Variants in SF3B1 observed in about 807,000 individuals in gnomAD.
SF3B1 encodes splicing factor 3b subunit 1, also known as pre-mRNA processing 10.
SF3B1 carries 12 observed loss-of-function variants against 153.8 expected under a neutral mutation model. The observed-to-expected ratio is 0.08, with a 90% CI of 0.05 to 0.13. The LOEUF is 0.13. Ranked by LOEUF, SF3B1 falls within the 10% of genes least tolerant of loss-of-function variation. SF3B1 has a pLI of 1.00. For missense variants in SF3B1, 513 were observed against 1,606.1 expected (o/e 0.32, Z 11.63); for synonymous variants, 498 against 525.2 (o/e 0.95, Z 0.71).
intron 9 of SF3B1, 34 bp downstream of exon 9, chr2:197,407,964 C>T (rs2105993733): frequency 6.3e-7 from 1 of 1,589,998 alleles, no homozygotes; most frequent in Non-Finnish European, 8.6e-7. Flanking sequence ...AATGTATATC[C>T]TAAATACCAC....
rs1559262155 is a variant in SF3B1 at position 197,392,573 on chromosome 2, G to GGGGC, written c.3757-113_3757-112insGCCC. Reference sequence around the variant, plus strand: ...AAAATTATTTCCCTTGGGGAGTTGGGGGGGGGGGAACCTACTAATTACACT... The same window carrying GGGGC: ...AAAATTATTTCCCTTGGGGAGTTGGGGGGCGGGGGGGGAACCTACTAATTACACT... On this transcript the variant is annotated intron_variant, in intron 24 of 24. Coordinates refer to ENST00000335508, the MANE Select transcript of SF3B1 (RefSeq NM_012433.4). 8 of 355,946 alleles carry GGGGC rather than the reference G, an allele frequency of 2.2e-5. 1 individual carries two copies. The highest frequency in any genetic ancestry group is 6.6e-5 in the East Asian group (1 of 15,148). The allele number at this position is 355,946 out of a possible 1,614,324, so 22.0% of individuals were successfully genotyped here. A position where few individuals can be genotyped will look rare whatever the true frequency, so the allele number is the denominator to read the frequency against.
Position 197,396,335 on chromosome 2 carries a change from A to AAAAC in SF3B1, c.3267-11_3267-8dup, listed in dbSNP as rs1449563349. 1 of 1,603,846 alleles carries AAAAC rather than the reference A, an allele frequency of 6.2e-7. No homozygotes were observed. Among genetic ancestry groups the AAAAC allele is most frequent in the South Asian group, 1.1e-5 (1 of 90,204 alleles). On this transcript the variant is annotated splice_polypyrimidine_tract_variant and splice_region_variant and intron_variant, in intron 22 of 24. Transcript: ENST00000335508. ...AGCCAATACATCATGAGGGCTGAAA[A>AAAAC]AAACAAATGGGTCAACAAGCTGTTA... is the stretch of plus-strand genomic sequence containing the variant.
rs2085041620 is a variant in SF3B1 at position 197,409,757 on chromosome 2, C to G, written c.904+13G>C. 6.3e-7 allele frequency: 1 copy of G among 1,588,480 alleles called. No homozygotes were observed. The highest frequency in any genetic ancestry group is 8.6e-7 in the Non-Finnish European group (1 of 1,156,784). On this transcript the variant is annotated intron_variant, in intron 7 of 24. Transcript: ENST00000335508. The stretch of plus-strand genomic sequence containing the variant: ...AACATTTCACCCACACACCCATACT[C>G]CACTAGAAGTACCTCTCTCTGTTTT...
chr2:197,398,186 C>A, intron 21 of SF3B1, 70 bp from the exon 22 acceptor site: 1 of 1,279,844 alleles, frequency 7.8e-7, no homozygotes, highest in South Asian at 1.3e-5. Context: ...TTTGCAAATT[C>A]AGTTCTAAAA....
chr2:197,416,902 T>C lies in SF3B1; in HGVS notation c.505A>G (p.Arg169Gly). ...TTAGCTTTTTCTGCTAGCTGTTGCCTAATTTCTCGCTGAAAAAAACAGTGA... is the reference window on the plus strand; with the variant it reads ...TTAGCTTTTTCTGCTAGCTGTTGCCCAATTTCTCGCTGAAAAAAACAGTGA... ...QHLTKEEREI[R>G]QQLAEKAKAG... Residue 169 changes from arginine to glycine, a missense_variant, in exon 6 of 25, where the codon AGG becomes GGG. Transcript: ENST00000335508. The C allele has an allele frequency of 6.2e-7, 1 of 1,610,976 alleles. No homozygotes were observed. The highest frequency in any genetic ancestry group is 2.2e-5 in the East Asian group (1 of 44,842).
chr2:197,428,757 G>T (rs1356013423), intron 1 of SF3B1, among the ~76,000 whole-genome samples: 1 of 152,004 alleles, frequency 6.6e-6, no homozygotes, highest in Non-Finnish European at 1.5e-5. Context: ...AGCCAGACAT[G>T]GTGGTGGCAC....
chr2:197,416,718 A>G (rs1467691791), intron 6 of SF3B1, 23 bp downstream of exon 6: 1 of 1,594,302 alleles, frequency 6.3e-7, no homozygotes, highest in Admixed American at 1.8e-5. Flanking sequence ...TAACAGTAAT[A>G]ACAAAAAACA....
chr2:197,405,051 G>C (rs1193480993), intron 11 of SF3B1, 25 bp downstream of exon 11: 5 of 1,438,926 alleles, frequency 3.5e-6, no homozygotes, highest in Non-Finnish European at 4.8e-6. Context: ...CAACAAACAT[G>C]ACAATTTAAC....
intron 6 of SF3B1, among the ~76,000 whole-genome samples, chr2:197,412,318 A>T (rs1017816010): frequency 4.0e-5 from 6 of 150,956 alleles, no homozygotes; most frequent in Non-Finnish European, 7.4e-5. Flanking sequence ...CAGAATTTTT[A>T]AAAAAGTCTG....
At chr2:197,406,303 C>A (rs2105991743) in intron 9 of SF3B1, among the ~76,000 whole-genome samples, 1 of 151,784 alleles carries the variant, frequency 6.6e-6, no homozygotes, top group South Asian at 2.1e-4. Flanking sequence ...GTCAATAAAC[C>A]TATACACGTC....
Position 197,401,738 on chromosome 2 carries a change from T to C in SF3B1, c.2370+4A>G. 1 of 1,606,584 alleles carries C rather than the reference T, an allele frequency of 6.2e-7. No homozygotes were observed. Among genetic ancestry groups the C allele is most frequent in the Non-Finnish European group, 8.5e-7 (1 of 1,177,768 alleles). On this transcript the variant is annotated splice_donor_region_variant and intron_variant, in intron 16 of 24. Coordinates refer to ENST00000335508, the MANE Select transcript of SF3B1 (RefSeq NM_012433.4). The surrounding 1 kb of genome is among the most constrained non-coding windows in gnomAD (Gnocchi z 4.2). ...GTTTACATTAACAAATCTGGAATAA[T>C]TACCTTCAGCACAATTTTTTTCATT...
In SF3B1 at chr2:197,393,197, G is replaced by T; in HGVS notation, c.3540-9C>A. On this transcript the variant is annotated splice_polypyrimidine_tract_variant and intron_variant, in intron 23 of 24. Transcript: ENST00000335508. ...GTCTGTGTACAAGGTCTCTACAACGGAAGGGAAAAAAGTCCTTTAAGATGC... is the reference window on the plus strand; with the variant it reads ...GTCTGTGTACAAGGTCTCTACAACGTAAGGGAAAAAAGTCCTTTAAGATGC... The T allele has an allele frequency of 6.2e-7, 1 of 1,603,000 alleles. No homozygotes were observed. Among genetic ancestry groups the T allele is most frequent in the Non-Finnish European group, 8.5e-7 (1 of 1,170,440 alleles).
rs2105985601 is a variant in SF3B1, at chr2:197,402,136, A to G, written c.2078-6T>C. The G allele has an allele frequency of 1.3e-6, 2 of 1,595,824 alleles. No individual in the cohort carries two copies. ...CTGCTGCTCATCCACAAGACCTACA[A>G]AACCAAACACAGGTTTTAACTATGC... On this transcript the variant is annotated splice_polypyrimidine_tract_variant and splice_region_variant and intron_variant, in intron 14 of 24. Coordinates refer to ENST00000335508, the MANE Select transcript of SF3B1 (RefSeq NM_012433.4). This position sits in a 1 kb window ranked among gnomAD's most constrained non-coding sequence, Gnocchi z 4.6.
chr2:197,416,934 A>G (rs767205750), intron 5 of SF3B1, 23 bp from the exon 6 acceptor site: 2 of 1,596,778 alleles, frequency 1.3e-6, no homozygotes, highest in South Asian at 2.2e-5. Context: ...GTGAGTATTT[A>G]CCTTTAAAAT....
chr2:197,390,390 C>A lies in SF3B1; in HGVS notation c.*1913G>T, dbSNP rs1259472716. 6.6e-6 allele frequency: 1 copy of A among 152,174 alleles called. No individual in the cohort carries two copies. Among genetic ancestry groups the A allele is most frequent in the Non-Finnish European group, 1.5e-5 (1 of 68,030 alleles). The allele number at this position is 152,174 out of a possible 1,614,324, so 9.4% of individuals were successfully genotyped here. A position where few individuals can be genotyped will look rare whatever the true frequency, so the allele number is the denominator to read the frequency against. On this transcript the variant is annotated 3_prime_UTR_variant, in exon 25 of 25. Transcript: ENST00000335508. ...AATCTATTTGTATTCAATTCTCAGT[C>A]ATTACTGAAGGTCATTTGACATCAA...
At position 197,421,720 on chromosome 2, in the gene SF3B1, T is replaced by C. The variant is rs564402172; in HGVS notation, c.196-587A>G. The stretch of plus-strand genomic sequence containing the variant: ...CCAGCTGGGCAAGGTGGCTCACATC[T>C]ATAATCCCAACACTTTGGGAGGCCG... On this transcript the variant is annotated intron_variant, in intron 2 of 24. Transcript: ENST00000335508. 2.0e-5 allele frequency among the ~76,000 whole-genome samples: 3 copies of C among 152,232 alleles called. No individual in the cohort carries two copies. The East Asian group carries it at 5.8e-4, about 29-fold the overall frequency.
chr2:197,421,164 A>G, intron 2 of SF3B1, 31 bp from the exon 3 acceptor site: 1 of 1,398,244 alleles, frequency 7.2e-7, no homozygotes, highest in Non-Finnish European at 1.0e-6. Flanking sequence ...AAAGCCATAA[A>G]CAAAATGTTA....
chr2:197,404,285 A>G (rs900041692), intron 11 of SF3B1, among the ~76,000 whole-genome samples: 30 of 152,248 alleles, frequency 2.0e-4, no homozygotes, highest in African/African-American at 7.2e-4. Flanking sequence ...TTTAAATAAT[A>G]ATAAAAACAA....
In SF3B1 at chr2:197,391,157, T is replaced by A. The variant is rs903393099; in HGVS notation, c.*1146A>T. ...ATACTTTACATATTTGCTTAAAAAA[T>A]TAAGTGTAGTACTGCCTTAATGCTT... On this transcript the variant is annotated 3_prime_UTR_variant, in exon 25 of 25. Coordinates refer to ENST00000335508, the MANE Select transcript of SF3B1 (RefSeq NM_012433.4). 1.3e-5 allele frequency: 2 copies of A among 152,212 alleles called. No homozygotes were observed. Among genetic ancestry groups the A allele is most frequent in the African/African-American group, 4.8e-5 (2 of 41,442 alleles). 9.4% of individuals were successfully genotyped at this position (152,212 alleles called of 1,614,324 possible).
Sources: allele counts gnomAD v4.1 joint callset (sites outside exome capture counted in the v4.1 genomes callset), GRCh38; gene constraint gnomAD v4.1.1; non-coding constraint Gnocchi (gnomAD v3.1); transcripts MANE v1.5; gene names NCBI Gene and HGNC (gene_info 2026-07-23, HGNC 2026-07-21).